SMG9: variants seen among roughly 807,000 people sequenced by gnomAD.
SMG9 encodes the protein SMG9 nonsense mediated mRNA decay factor, also known as nonsense-mediated mRNA decay factor SMG9.
In SMG9, 55 loss-of-function variants were observed where a neutral mutation model predicts 64.0. The ratio of observed to expected loss-of-function variants is 0.86; its 90% CI spans 0.69 to 1.08. The LOEUF (loss-of-function observed/expected upper bound fraction) is 1.08. Among genes scored for constraint, SMG9 ranks in the 50% least tolerant of loss-of-function variants. The pLI is 0.00. For synonymous variants in SMG9, 244 were observed against 254.8 expected (o/e 0.96, Z 0.41); for missense variants, 554 against 681.3 (o/e 0.81, Z 2.08).
rs1968737255 is a variant in SMG9, at chr19:43,738,233, G to A, written c.814-16C>T. The A allele has an allele frequency of 6.2e-7, 1 of 1,610,470 alleles. No homozygotes were observed. The highest frequency in any genetic ancestry group is 8.5e-7 in the Non-Finnish European group (1 of 1,176,724). The stretch of plus-strand genomic sequence containing the variant: ...TCAGGATGGGCTGCAGCAAGGAAGA[G>A]AACAGAGTGTCACTCAGATACCCAA... On this transcript the variant is annotated splice_polypyrimidine_tract_variant and intron_variant, in intron 7 of 13. Transcript: ENST00000270066.
chr19:43,752,420 G>T (rs1171569880), intron 1 of SMG9, among the ~76,000 whole-genome samples: 1 of 152,262 alleles, frequency 6.6e-6, no homozygotes, highest in East Asian at 1.9e-4. Flanking sequence ...GGTTGACAAA[G>T]TGTGGCCTAG....
intron 9 of SMG9, among the ~76,000 whole-genome samples, chr19:43,734,984 T>C (rs1407289730): frequency 2.6e-5 from 4 of 152,222 alleles, no homozygotes; most frequent in African/African-American, 9.7e-5. Context: ...TCTGCCATTA[T>C]AGCATCACAG....
Position 43,743,856 on chromosome 19 carries a change from G to T in SMG9, c.701+916C>A, listed in dbSNP as rs144488832. Among the ~76,000 whole-genome samples, 288 of 152,276 alleles carry T rather than the reference G, an allele frequency of 1.9e-3. 1 individual carries two copies. The highest frequency in any genetic ancestry group is 6.8e-3 in the Middle Eastern group (2 of 294). On this transcript the variant is annotated intron_variant, in intron 6 of 13. Transcript: ENST00000270066. ...GTTAAGGGATTAATGGACTCCTGAC[G>T]CTCATCCATGGAGGCCAGGGTAGTA...
chr19:43,747,212 A>C (rs1164118824), intron 5 of SMG9, among the ~76,000 whole-genome samples: 31 of 152,148 alleles, frequency 2.0e-4, no homozygotes, highest in Admixed American at 2.0e-3. Flanking sequence ...TGGTAGTGAG[A>C]GTACTTCTTT....
At position 43,754,726 on chromosome 19, in the gene SMG9, G is replaced by A. The variant is rs1433617157; in HGVS notation, c.-79C>T. On this transcript the variant is annotated 5_prime_UTR_variant, in exon 1 of 14. Transcript: ENST00000270066. ...GTGACGGGAGTCGGGTGGGGGCGGG[G>A]AGGCTGACCCAAGCCACCCGCCTGC... The A allele has an allele frequency of 6.6e-6, 1 of 152,194 alleles. No individual in the cohort carries two copies. Among genetic ancestry groups the A allele is most frequent in the Non-Finnish European group, 1.5e-5 (1 of 68,038 alleles). The allele number at this position is 152,194 out of a possible 1,614,324, so 9.4% of individuals were successfully genotyped here. A position where few individuals can be genotyped will look rare whatever the true frequency, so the allele number is the denominator to read the frequency against.
intron 6 of SMG9, among the ~76,000 whole-genome samples, chr19:43,743,945 T>C (rs538554358): frequency 2.6e-5 from 4 of 152,352 alleles, no homozygotes; most frequent in African/African-American, 9.6e-5. Flanking sequence ...TCTCTGTTCT[T>C]CACCACCCCA....
chr19:43,748,791 A>G, intron 2 of SMG9: 1 of 520,154 alleles, frequency 1.9e-6, no homozygotes, highest in South Asian at 1.4e-5. Flanking sequence ...TCCTTCACCA[A>G]TATACTGAGG....
In SMG9 at chr19:43,734,020, A is replaced by C. The variant is rs1160008097; in HGVS notation, c.1103-287T>G. ...AGAGCGGAGAAAGGATGAAACAGGCAAAGGAACGGCATGTGCAAAGGCTAG... is the reference window on the plus strand; with the variant it reads ...AGAGCGGAGAAAGGATGAAACAGGCCAAGGAACGGCATGTGCAAAGGCTAG... On this transcript the variant is annotated intron_variant, in intron 10 of 13. Coordinates refer to ENST00000270066, the MANE Select transcript of SMG9 (RefSeq NM_019108.4). 6 of 544,802 alleles carry C rather than the reference A, an allele frequency of 1.1e-5. No homozygotes were observed. In the Admixed American group the frequency reaches 1.3e-4, roughly 12 times the overall value. The allele number at this position is 544,802 out of a possible 1,614,324, so 33.7% of individuals were successfully genotyped here.
intron 13 of SMG9, 125 bp downstream of exon 13, chr19:43,732,733 A>G (rs1400639614): frequency 8.3e-7 from 1 of 1,205,660 alleles, no homozygotes; most frequent in Non-Finnish European, 1.2e-6. Flanking sequence ...TCACTGTTCC[A>G]GAAAAGGAAC....
intron 2 of SMG9, among the ~76,000 whole-genome samples, chr19:43,750,016 A>C: frequency 6.6e-6 from 1 of 152,370 alleles, no homozygotes; most frequent in Non-Finnish European, 1.5e-5. Flanking sequence ...GACTTTGCAC[A>C]GTGCAAGCAC....
chr19:43,736,941 G>C (rs1356188851), intron 9 of SMG9, among the ~76,000 whole-genome samples: 3 of 152,158 alleles, frequency 2.0e-5, no homozygotes, highest in African/African-American at 2.4e-5. Flanking sequence ...AGAGGTCCTG[G>C]GCTGCAGGAA....
intron 5 of SMG9, among the ~76,000 whole-genome samples, chr19:43,746,317 A>G (rs923430640): frequency 6.6e-6 from 1 of 152,240 alleles, no homozygotes; most frequent in African/African-American, 2.4e-5. Flanking sequence ...AACATTAAAA[A>G]TTCTGTTTGG....
intron 5 of SMG9, 61 bp from the exon 6 acceptor site, chr19:43,744,945 G>T (rs932734550): frequency 2.2e-6 from 3 of 1,338,006 alleles, no homozygotes; most frequent in Non-Finnish European, 3.2e-6. Context: ...TGGAATGAGG[G>T]GGGGACTCCA....
At chr19:43,737,396 C>G (rs1286018581) in intron 9 of SMG9, among the ~76,000 whole-genome samples, 1 of 152,174 alleles carries the variant, frequency 6.6e-6, no homozygotes, top group East Asian at 1.9e-4. Context: ...TGGATTTATT[C>G]TGGTAGATAT....
rs1458536864 is a variant in SMG9 at position 43,733,468 on chromosome 19, C to T, written c.1211-16G>A. The T allele has an allele frequency of 1.9e-6, 3 of 1,613,330 alleles. No individual in the cohort carries two copies. The highest frequency in any genetic ancestry group is 2.2e-5 in the East Asian group (1 of 44,892). On this transcript the variant is annotated splice_polypyrimidine_tract_variant and intron_variant, in intron 11 of 13. Coordinates refer to ENST00000270066, the MANE Select transcript of SMG9 (RefSeq NM_019108.4). The stretch of plus-strand genomic sequence containing the variant: ...GACAGAGTTCCTGGAGGAGAAAACG[C>T]TTCAGCCTTCAGGTACCATGTTGTG...
chr19:43,731,129 G>A lies in SMG9; in HGVS notation c.*467C>T, dbSNP rs1467319784. 28 of 988,466 alleles carry A rather than the reference G, an allele frequency of 2.8e-5. No homozygotes were observed. The highest frequency in any genetic ancestry group is 3.4e-5 in the Non-Finnish European group (28 of 831,998). The allele number at this position is 988,466 out of a possible 1,614,324, so 61.2% of individuals were successfully genotyped here. Reference sequence around the variant, plus strand: ...TCCCAGAGCTGCATGGTGGGTAGAGGAGTAAGTGGAACATAAGAACAGGCT... The same window carrying A: ...TCCCAGAGCTGCATGGTGGGTAGAGAAGTAAGTGGAACATAAGAACAGGCT... On this transcript the variant is annotated 3_prime_UTR_variant, in exon 14 of 14. Coordinates refer to ENST00000270066, the MANE Select transcript of SMG9 (RefSeq NM_019108.4).
chr19:43,744,361 G>A (rs1181571656), intron 6 of SMG9, among the ~76,000 whole-genome samples: 1 of 152,122 alleles, frequency 6.6e-6, no homozygotes, highest in Non-Finnish European at 1.5e-5. Context: ...ATTAACTTTT[G>A]CCTTCTTGAT....
At position 43,738,130 on chromosome 19, in the gene SMG9, CAACGT is replaced by C; in HGVS notation, c.896_900del (p.Tyr299Ter). 1 of 1,614,040 alleles carries C rather than the reference CAACGT, an allele frequency of 6.2e-7. No homozygotes were observed. Among genetic ancestry groups the C allele is most frequent in the East Asian group, 2.2e-5 (1 of 44,878 alleles). ...TGGCTTGGCTCCCTCACCTGCATTT[CAACGT>C]AAGTGTGGGGAAGGTTGTACTCTGG... is the stretch of plus-strand genomic sequence containing the variant. On this transcript the variant is annotated frameshift_variant, in exon 8 of 14. Coordinates refer to ENST00000270066, the MANE Select transcript of SMG9 (RefSeq NM_019108.4). LOFTEE classifies it high-confidence loss of function.
chr19:43,746,627 G>A (rs1488105548), intron 5 of SMG9, among the ~76,000 whole-genome samples: 1 of 136,688 alleles, frequency 7.3e-6, no homozygotes, highest in African/African-American at 3.1e-5. Context: ...GGGACAATCT[G>A]AGCAGGGGTG....
Sources: gnomAD v4.1 joint callset for allele counts (sites outside exome capture counted in the v4.1 genomes callset) on GRCh38, gnomAD v4.1.1 for gene constraint, MANE v1.5 for transcripts, NCBI Gene and HGNC (gene_info 2026-07-23, HGNC 2026-07-21) for gene names.